Variants in CNTN3 observed in about 807,000 individuals in gnomAD.
CNTN3 encodes contactin 3.
Under a neutral mutation model 119.1 loss-of-function variants are expected in CNTN3, and 60 were observed. The observed-to-expected ratio is 0.50, with a 90% confidence interval of 0.41 to 0.62. The LOEUF is 0.62. Ranked by LOEUF, CNTN3 falls within the 20% of genes least tolerant of loss-of-function variation. The pLI is 0.00. For synonymous variants in CNTN3, 450 were observed against 438.7 expected, an observed-to-expected ratio of 1.03 and a Z score of -0.32; for missense variants, 1,101 against 1,242.4, an observed-to-expected ratio of 0.89 and a Z score of 1.71.
At chr3:74,327,078 T>C (rs1386645625) in intron 13 of CNTN3, among the ~76,000 whole-genome samples, 5 of 150,646 alleles carry the variant, frequency 3.3e-5, no homozygotes, top group African/African-American at 9.7e-5. Context: ...TCCTGGGATA[T>C]CCTAAAGTAG....
chr3:74,569,730 G>T (rs987199139), intron 1 of CNTN3, among the ~76,000 whole-genome samples: 3 of 152,172 alleles, frequency 2.0e-5, no homozygotes, highest in Non-Finnish European at 4.4e-5. Context: ...CATGAGTCAA[G>T]GGTCTGAGCA....
At chr3:74,503,712 C>G (rs1168634599) in intron 2 of CNTN3, among the ~76,000 whole-genome samples, 1 of 152,106 alleles carries the variant, frequency 6.6e-6, no homozygotes, top group Non-Finnish European at 1.5e-5. Context: ...AGAAGGGGGC[C>G]TTTTGCCTAA....
chr3:74,531,471 T>G (rs1703692004), intron 1 of CNTN3, among the ~76,000 whole-genome samples: 1 of 151,926 alleles, frequency 6.6e-6, no homozygotes, highest in African/African-American at 2.4e-5. Context: ...ACAGGTAGCA[T>G]CTGAGGTAAT....
chr3:74,301,499 A>C lies in CNTN3; in HGVS notation c.1994T>G (p.Leu665Ter). The change falls in exon 16 of 23, where the codon TTA becomes TGA. Residue 665 changes from leucine (L) to a stop codon, truncating the protein, a stop_gained. Transcript: ENST00000263665. LOFTEE classifies it high-confidence loss of function. ...AAATTCATATTCCACCCATGGGTTT[A>C]ACTCAACTACAGTGGCTGTGTGCGT... ...GKTHTATVVE[L>*]NPWVEYEFRV... 1 of 1,614,144 alleles carries C rather than the reference A, an allele frequency of 6.2e-7. No individual in the cohort carries two copies. The highest frequency in any genetic ancestry group is 8.5e-7 in the Non-Finnish European group (1 of 1,179,998).
At chr3:74,467,516 G>A (rs1472652145) in intron 4 of CNTN3, among the ~76,000 whole-genome samples, 1 of 152,070 alleles carries the variant, frequency 6.6e-6, no homozygotes, top group Non-Finnish European at 1.5e-5. Flanking sequence ...TTAAATAGAT[G>A]CTCACACAGA....
chr3:74,340,865 G>C (rs1333405645), intron 11 of CNTN3, among the ~76,000 whole-genome samples: 2 of 152,128 alleles, frequency 1.3e-5, no homozygotes, highest in Non-Finnish European at 2.9e-5. Context: ...CTACAAAACA[G>C]AGGTAGGTAA....
chr3:74,328,513 G>C (rs1038378842), intron 13 of CNTN3, among the ~76,000 whole-genome samples: 5 of 152,052 alleles, frequency 3.3e-5, no homozygotes, highest in Admixed American at 3.3e-4. Flanking sequence ...ATGGGCTTTA[G>C]TACAAGAAGT....
Position 74,301,642 on chromosome 3 carries a change from T to A in CNTN3, c.1945+5A>T. 1 of 1,613,938 alleles carries A rather than the reference T, an allele frequency of 6.2e-7. No individual in the cohort carries two copies. On this transcript the variant is annotated splice_donor_5th_base_variant and intron_variant, in intron 15 of 22. Coordinates refer to ENST00000263665, the MANE Select transcript of CNTN3 (RefSeq NM_020872.3). ...TGCAGATGACATCTGCCTCTCCTGC[T>A]TTACCTGTTGTGACGGTTTGCCAAC...
chr3:74,577,604 A>G (rs1433097551), intron 1 of CNTN3, among the ~76,000 whole-genome samples: 1 of 152,126 alleles, frequency 6.6e-6, no homozygotes, highest in African/African-American at 2.4e-5. Flanking sequence ...GTTCTCATTC[A>G]CCCAAAACAG....
intron 5 of CNTN3, among the ~76,000 whole-genome samples, chr3:74,377,451 T>C (rs945415354): frequency 2.0e-5 from 3 of 152,172 alleles, no homozygotes; most frequent in Non-Finnish European, 4.4e-5. Context: ...GTTAATTGTA[T>C]CACAGCAAAA....
chr3:74,365,481 T>G (rs1704166357), intron 9 of CNTN3, 85 bp downstream of exon 9: 2 of 1,556,562 alleles, frequency 1.3e-6, no homozygotes, highest in Non-Finnish European at 1.8e-6. Context: ...GACTAGGGAC[T>G]AAAGAAAGCA....
intron 1 of CNTN3, among the ~76,000 whole-genome samples, chr3:74,550,189 G>C (rs1381259296): frequency 6.6e-6 from 1 of 152,182 alleles, no homozygotes; most frequent in Non-Finnish European, 1.5e-5. Flanking sequence ...TCTTCAATAA[G>C]GGTGATGCTG....
At chr3:74,406,970 AG>A (rs1413709809) in intron 5 of CNTN3, among the ~76,000 whole-genome samples, 1 of 152,174 alleles carries the variant, frequency 6.6e-6, no homozygotes, top group African/African-American at 2.4e-5. Context: ...AATCTTGAAA[AG>A]TATAAAAAGG....
intron 5 of CNTN3, among the ~76,000 whole-genome samples, chr3:74,397,601 C>T (rs1198644109): frequency 4.6e-5 from 7 of 152,056 alleles, no homozygotes; most frequent in Admixed American, 2.0e-4. Context: ...AATAATCCTA[C>T]AATGGCCTCT....
intron 4 of CNTN3, among the ~76,000 whole-genome samples, chr3:74,486,036 A>G (rs894048936): frequency 6.6e-6 from 1 of 152,172 alleles, no homozygotes; most frequent in Admixed American, 6.5e-5. Context: ...CAGGTTTGTC[A>G]GATGGAATTT....
At position 74,285,507 on chromosome 3, in the gene CNTN3, C is replaced by T. The variant is rs370919634; in HGVS notation, c.2518-16G>A. On this transcript the variant is annotated splice_polypyrimidine_tract_variant and intron_variant, in intron 19 of 22. Transcript: ENST00000263665. ...AGTACCGCACCTGGTGGGCGGAAGA[C>T]ACCAAACATGTGAAGGCTTAAAAAA... The T allele has an allele frequency of 1.9e-5, 31 of 1,591,242 alleles. No homozygotes were observed. In the African/African-American group the frequency reaches 2.9e-4, roughly 15 times the overall value.
At chr3:74,331,076 T>C (rs1703253424) in intron 13 of CNTN3, among the ~76,000 whole-genome samples, 1 of 152,148 alleles carries the variant, frequency 6.6e-6, no homozygotes, top group Non-Finnish European at 1.5e-5. Context: ...ATCCTAAGTG[T>C]ACAGTGTTTC....
intron 13 of CNTN3, among the ~76,000 whole-genome samples, chr3:74,324,304 C>T (rs571880450): frequency 2.0e-5 from 3 of 151,994 alleles, no homozygotes; most frequent in East Asian, 3.9e-4. Context: ...CTCTGCCTCC[C>T]GGGTTCAAGC....
chr3:74,486,763 TAA>T, intron 3 of CNTN3, 132 bp from the exon 4 acceptor site: 4 of 692,942 alleles, frequency 5.8e-6, no homozygotes, highest in Non-Finnish European at 8.8e-6. Context: ...AAGTGTTACA[TAA>T]CTGAAGATCA....
Sources: gnomAD v4.1 joint callset for allele counts (sites outside exome capture counted in the v4.1 genomes callset) on GRCh38, gnomAD v4.1.1 for gene constraint, MANE v1.5 for transcripts, NCBI Gene and HGNC (gene_info 2026-07-23, HGNC 2026-07-21) for gene names.